ZGRF1: variants seen among roughly 807,000 people sequenced by gnomAD.
ZGRF1 encodes zinc finger GRF-type containing 1.
ZGRF1 carries 196 observed loss-of-function variants against 203.5 expected under a neutral mutation model. That is an observed-to-expected ratio of 0.96 (90% CI 0.86 to 1.08). The LOEUF (loss-of-function observed/expected upper bound fraction) is 1.08. Among genes scored for constraint, ZGRF1 ranks in the 50% least tolerant of loss-of-function variants. ZGRF1 has a pLI of 0.00. For synonymous variants in ZGRF1, 809 were observed against 841.3 expected, an observed-to-expected ratio of 0.96 and a Z score of 0.66; for missense variants, 2,326 against 2,416.3, an observed-to-expected ratio of 0.96 and a Z score of 0.78.
At chr4:112,623,722 T>G (rs1197716876) in intron 4 of ZGRF1, 95 bp downstream of exon 4, 7 of 677,644 alleles carry the variant, frequency 1.0e-5, no homozygotes, top group Non-Finnish European at 1.8e-5. Flanking sequence ...ACTATTAGTA[T>G]TAATATTATG....
chr4:112,584,833 C>T (rs974048957), intron 14 of ZGRF1, among the ~76,000 whole-genome samples: 3 of 152,154 alleles, frequency 2.0e-5, no homozygotes, highest in African/African-American at 7.2e-5. Context: ...AAGCACAGTT[C>T]TACAATGAGT....
Position 112,539,488 on chromosome 4 carries a change from TATATC to T in ZGRF1, c.*54_*58del. 1.2e-6 allele frequency: 1 copy of T among 850,852 alleles called. No individual in the cohort carries two copies. Among genetic ancestry groups the T allele is most frequent in the Non-Finnish European group, 1.8e-6 (1 of 566,322 alleles). The allele number at this position is 850,852 out of a possible 1,614,324, so 52.7% of individuals were successfully genotyped here. A position where few individuals can be genotyped will look rare whatever the true frequency, so the allele number is the denominator to read the frequency against. On this transcript the variant is annotated 3_prime_UTR_variant, in exon 28 of 28. Coordinates refer to ENST00000505019, the MANE Select transcript of ZGRF1 (RefSeq NM_018392.5). ...TTTAGAGTAATAAAAATATAAAAAA[TATATC>T]ATGTAAAATGAGTCTGAATTTACAT...
In ZGRF1 at chr4:112,612,526, G is replaced by C. The variant is rs750297439; in HGVS notation, c.2665C>G (p.Gln889Glu). 1.9e-6 allele frequency: 3 copies of C among 1,595,870 alleles called. No homozygotes were observed. Among genetic ancestry groups the C allele is most frequent in the Admixed American group, 1.7e-5 (1 of 59,246 alleles). ...ACTCTTAGAAAAAAAACCTGTACCT[G>C]TTGAGAATCCTTGTGCAGATGAGGA... ...KSPHLHKDSQQILKEDEVELS... is the reference protein window; with the variant it reads ...KSPHLHKDSQEILKEDEVELS... The change falls in exon 7 of 28, where the codon CAG becomes GAG. Residue 889 changes from glutamine (Q) to glutamate (E), a missense_variant and splice_region_variant. Coordinates refer to ENST00000505019, the MANE Select transcript of ZGRF1 (RefSeq NM_018392.5).
In ZGRF1 at chr4:112,559,339, C is replaced by A. The variant is rs533281993; in HGVS notation, c.4961-1030G>T. On this transcript the variant is annotated intron_variant, in intron 19 of 27. Transcript: ENST00000505019. ...ACAACCTCCAAAGTAGCTGGGACTA[C>A]AGGTGCATGCCTCCATGTCCAGCTA... is the stretch of plus-strand genomic sequence containing the variant. Among the ~76,000 whole-genome samples, 475 of 152,282 alleles carry A rather than the reference C, an allele frequency of 3.1e-3. 4 individuals carry two copies. Among genetic ancestry groups the A allele is most frequent in the African/African-American group, 0.011 (459 of 41,548 alleles).
intron 10 of ZGRF1, among the ~76,000 whole-genome samples, chr4:112,595,483 G>A (rs1473156509): frequency 2.0e-5 from 3 of 151,964 alleles, no homozygotes; most frequent in East Asian, 1.9e-4. Flanking sequence ...TTTGGAAGGC[G>A]AAGGCAAAAG....
intron 26 of ZGRF1, 98 bp downstream of exon 26, chr4:112,540,723 C>T: frequency 3.2e-6 from 3 of 935,396 alleles, no homozygotes; most frequent in Non-Finnish European, 4.5e-6. Flanking sequence ...AAAAGTTTTT[C>T]AGGCACCAAA....
chr4:112,620,823 C>G (rs2047037782), intron 4 of ZGRF1, among the ~76,000 whole-genome samples: 1 of 149,248 alleles, frequency 6.7e-6, no homozygotes, highest in East Asian at 2.0e-4. Flanking sequence ...GTTTTCACAC[C>G]ACTGCTCTCT....
At chr4:112,581,925 T>C in intron 15 of ZGRF1, 123 bp from the exon 16 acceptor site, 1 of 434,430 alleles carries the variant, frequency 2.3e-6, no homozygotes, top group East Asian at 3.9e-5. Context: ...CATACATGTA[T>C]ACAAAATATA....
chr4:112,546,510 G>C (rs1738800934), intron 24 of ZGRF1, among the ~76,000 whole-genome samples: 1 of 152,194 alleles, frequency 6.6e-6, no homozygotes, highest in Non-Finnish European at 1.5e-5. Context: ...CAAATTTCAT[G>C]TGTTGGAAAC....
intron 3 of ZGRF1, among the ~76,000 whole-genome samples, chr4:112,627,780 CTCT>C (rs2047284781): frequency 6.6e-6 from 1 of 152,146 alleles, no homozygotes; most frequent in Non-Finnish European, 1.5e-5. Context: ...TGATATGTCA[CTCT>C]TCTTCTCATA....
intron 20 of ZGRF1, among the ~76,000 whole-genome samples, chr4:112,556,174 T>G (rs1740910816): frequency 1.3e-5 from 2 of 151,986 alleles, no homozygotes; most frequent in Non-Finnish European, 2.9e-5. Context: ...TTGAAAAGTA[T>G]ATTTAGAAGC....
intron 16 of ZGRF1, among the ~76,000 whole-genome samples, chr4:112,574,080 G>A (rs1159942830): frequency 6.6e-6 from 1 of 152,202 alleles, no homozygotes; most frequent in Non-Finnish European, 1.5e-5. Context: ...ATCTAAAGAT[G>A]TGTGAAGTAT....
chr4:112,570,056 C>CA (rs982527193), intron 16 of ZGRF1, among the ~76,000 whole-genome samples: 4 of 151,328 alleles, frequency 2.6e-5, no homozygotes, highest in African/African-American at 9.8e-5. Context: ...AAATAGCAGA[C>CA]AGAGAGTGCA....
At position 112,554,688 on chromosome 4, in the gene ZGRF1, G is replaced by GA. The variant is rs1270396335; in HGVS notation, c.5198+16dup. 2 of 1,350,736 alleles carry GA rather than the reference G, an allele frequency of 1.5e-6. No individual in the cohort carries two copies. The highest frequency in any genetic ancestry group is 2.9e-5 in the African/African-American group (2 of 69,030). The allele number at this position is 1,350,736 out of a possible 1,614,324, so 83.7% of individuals were successfully genotyped here. On this transcript the variant is annotated intron_variant, in intron 21 of 27. Transcript: ENST00000505019. ...CCCTCTGACCATTCTGTGACTTCTG[G>GA]AATTTTGCATTCTTACCTATAAGGT...
chr4:112,618,618 G>A lies in ZGRF1; in HGVS notation c.1424C>T (p.Ser475Leu), dbSNP rs1490532241. ...CGTLEKEYEQSESSLPELKHL... is the reference protein window; with the variant it reads ...CGTLEKEYEQLESSLPELKHL... ...TTTCAGTTCTGGCAGAGATGACTCT[G>A]ATTGTTCATACTCCTTTTCCAGTGT... Residue 475 changes from serine to leucine, a missense_variant, in exon 6 of 28, where the codon TCA (serine) becomes TTA (leucine). Ser to Leu is a moderately radical substitution (Grantham distance 145). Transcript: ENST00000505019. The A allele has an allele frequency of 3.1e-6, 5 of 1,613,344 alleles. No individual in the cohort carries two copies. Among genetic ancestry groups the A allele is most frequent in the Non-Finnish European group, 4.2e-6 (5 of 1,179,622 alleles).
chr4:112,623,771 G>T (rs1349761528), intron 4 of ZGRF1, 46 bp downstream of exon 4: 2 of 958,640 alleles, frequency 2.1e-6, no homozygotes, highest in Admixed American at 2.2e-5. Flanking sequence ...TATTTAAAGA[G>T]ATTTTTAAAT....
At position 112,562,435 on chromosome 4, in the gene ZGRF1, A is replaced by G. The variant is rs560779933; in HGVS notation, c.4633T>C (p.Leu1545=). ...TTAAAGTAGTCCTGAATGTTTTTCA[A>G]AGTAGTCAGTTCTGTGCTAGCATTA... ...VCNASTELTT[L]KNIQDYFNPA... is the part of the protein sequence containing the mutation. The change falls in exon 18 of 28, where the codon TTG becomes CTG. Residue 1545 remains leucine, a synonymous_variant. Transcript: ENST00000505019. 30 of 1,610,752 alleles carry G rather than the reference A, an allele frequency of 1.9e-5. No individual in the cohort carries two copies. The East Asian group carries it at 5.8e-4, about 31-fold the overall frequency.
chr4:112,592,790 G>A (rs954002033), intron 10 of ZGRF1, among the ~76,000 whole-genome samples: 1 of 152,186 alleles, frequency 6.6e-6, no homozygotes, highest in African/African-American at 2.4e-5. Flanking sequence ...GCTATGGAGA[G>A]AATTATGTAC....
chr4:112,602,328 T>C (rs1033515400), intron 10 of ZGRF1, among the ~76,000 whole-genome samples: 1 of 152,074 alleles, frequency 6.6e-6, no homozygotes, highest in Non-Finnish European at 1.5e-5. Context: ...AAACTACAAC[T>C]GAAGTACCAA....
Sources: gnomAD v4.1 joint callset for allele counts (sites outside exome capture counted in the v4.1 genomes callset) on GRCh38, gnomAD v4.1.1 for gene constraint, MANE v1.5 for transcripts, NCBI Gene and HGNC (gene_info 2026-07-23, HGNC 2026-07-21) for gene names.